The following SMIM18 variants were observed in gnomAD, a reference collection of about 807,000 sequenced individuals.
The protein encoded by SMIM18 is small integral membrane protein 18.
A neutral mutation model predicts 5.9 loss-of-function variants in SMIM18; 4 were observed. The observed-to-expected ratio is 0.68, with a 90% CI of 0.33 to 1.56. The LOEUF is 1.56. SMIM18 is among the 40% of genes most tolerant of loss of function. The probability of loss-of-function intolerance (pLI) is 0.06; values close to 1 mark genes in which losing one functional copy is unlikely to be tolerated. For missense variants in SMIM18, 89 were observed against 109.7 expected (o/e 0.81, Z 0.84); for synonymous variants, 37 against 37.4 (o/e 0.99, Z 0.04).
chr8:30,639,824 A>G (rs917782960), intron 1 of SMIM18, among the ~76,000 whole-genome samples: 1 of 151,782 alleles, frequency 6.6e-6, no homozygotes, highest in East Asian at 1.9e-4. Flanking sequence ...AGCTAGCCTG[A>G]GCAAAGTATC....
At chr8:30,643,127 A>C (rs191556647) in intron 1 of SMIM18, among the ~76,000 whole-genome samples, 379 of 152,298 alleles carry the variant, frequency 2.5e-3, no homozygotes, top group Non-Finnish European at 4.4e-3. Flanking sequence ...ATCAACCCCA[A>C]AGATTTTATT....
chr8:30,639,111 T>C (rs370143989), intron 1 of SMIM18, among the ~76,000 whole-genome samples: 16 of 152,242 alleles, frequency 1.1e-4, no homozygotes, highest in East Asian at 7.7e-4. Flanking sequence ...AAGTTTGTTA[T>C]ATTTTTTAGA....
rs1002309300 is a variant in SMIM18, at chr8:30,645,297, G to A, written c.-13G>A. ...TTTTTATAGATTCAAAAGAGCAAGT[G>A]GAATCTCTAAGAATGGCTTCCAGCC... On this transcript the variant is annotated 5_prime_UTR_variant, in exon 3 of 3. Coordinates refer to ENST00000517349, the MANE Select transcript of SMIM18 (RefSeq NM_001206847.2). 1.3e-6 allele frequency: 2 copies of A among 1,528,840 alleles called. No homozygotes were observed. The highest frequency in any genetic ancestry group is 1.7e-6 in the Non-Finnish European group (2 of 1,144,468). 94.7% of individuals were successfully genotyped at this position (1,528,840 alleles called of 1,614,324 possible).
chr8:30,639,436 T>C (rs1307906196), intron 1 of SMIM18, among the ~76,000 whole-genome samples: 1 of 152,220 alleles, frequency 6.6e-6, no homozygotes, highest in African/African-American at 2.4e-5. Flanking sequence ...GAAGTCATTC[T>C]TAAACTGATC....
intron 1 of SMIM18, among the ~76,000 whole-genome samples, chr8:30,642,543 C>T (rs1157009530): frequency 1.3e-5 from 2 of 152,056 alleles, no homozygotes; most frequent in Non-Finnish European, 2.9e-5. Context: ...GGTTAAGAAG[C>T]CTCAAACATA....
chr8:30,645,825 C>A lies in SMIM18; in HGVS notation c.*228C>A, dbSNP rs1802055178. 2.3e-6 allele frequency: 1 copy of A among 439,644 alleles called. No individual in the cohort carries two copies. The highest frequency in any genetic ancestry group is 3.9e-5 in the Admixed American group (1 of 25,716). 27.2% of individuals were successfully genotyped at this position (439,644 alleles called of 1,614,324 possible). ...TGTGAATTTACTAATCTGTTTAATA[C>A]TGACACTTCAAAAACTGGATAAAAG... On this transcript the variant is annotated 3_prime_UTR_variant, in exon 3 of 3. Coordinates refer to ENST00000517349, the MANE Select transcript of SMIM18 (RefSeq NM_001206847.2).
chr8:30,639,908 T>C (rs1801754049), intron 1 of SMIM18, among the ~76,000 whole-genome samples: 1 of 152,014 alleles, frequency 6.6e-6, no homozygotes, highest in South Asian at 2.1e-4. Context: ...GTTAATTATC[T>C]AGAAACCATT....
At chr8:30,639,898 G>A (rs62505311) in intron 1 of SMIM18, among the ~76,000 whole-genome samples, 7 of 151,664 alleles carry the variant, frequency 4.6e-5, no homozygotes, top group Non-Finnish European at 7.4e-5. Flanking sequence ...GCACAGTGGG[G>A]TTAATTATCT....
chr8:30,645,699 T>G lies in SMIM18; in HGVS notation c.*102T>G. Reference sequence around the variant, plus strand: ...CTGTTGCTACAAAACAAATTCTGACTGAATGGTTAAAACATTTCTAGTAGA... The same window carrying G: ...CTGTTGCTACAAAACAAATTCTGACGGAATGGTTAAAACATTTCTAGTAGA... On this transcript the variant is annotated 3_prime_UTR_variant, in exon 3 of 3. Transcript: ENST00000517349. 8.4e-7 allele frequency: 1 copy of G among 1,187,908 alleles called. No homozygotes were observed. The highest frequency in any genetic ancestry group is 1.5e-5 in the African/African-American group (1 of 64,970). The allele number at this position is 1,187,908 out of a possible 1,614,324, so 73.6% of individuals were successfully genotyped here.
At chr8:30,642,388 T>C (rs1801877116) in intron 1 of SMIM18, among the ~76,000 whole-genome samples, 1 of 151,962 alleles carries the variant, frequency 6.6e-6, no homozygotes, top group Non-Finnish European at 1.5e-5. Context: ...TACTAATCCA[T>C]ATTGTTGGCT....
rs1329594420 is a variant in SMIM18, at chr8:30,645,538, C to A, written c.229C>A (p.Pro77Thr). ...AACCGTGAAAGACTTGAAAAGTGAA[C>A]CCAACCCTCTTAGAAGTATGATGGA... ...NKTVKDLKSE[P>T]NPLRSMMDNI... Residue 77 changes from proline (P) to threonine (T), a missense_variant, in exon 3 of 3, where the codon CCC becomes ACC. Coordinates refer to ENST00000517349, the MANE Select transcript of SMIM18 (RefSeq NM_001206847.2). 1 of 1,535,602 alleles carries A rather than the reference C, an allele frequency of 6.5e-7. No homozygotes were observed. Among genetic ancestry groups the A allele is most frequent in the Admixed American group, 2.0e-5 (1 of 50,994 alleles).
chr8:30,644,632 A>G (rs1347929772), intron 2 of SMIM18, 60 bp downstream of exon 2: 1 of 152,232 alleles, frequency 6.6e-6, no homozygotes, highest in South Asian at 2.1e-4. Flanking sequence ...TGAAGAACAT[A>G]ACCTTAAAAC....
intron 2 of SMIM18, among the ~76,000 whole-genome samples, chr8:30,644,946 C>T (rs1022302511): frequency 2.0e-5 from 3 of 151,706 alleles, no homozygotes; most frequent in African/African-American, 4.8e-5. Context: ...AGACGGGTTT[C>T]GCCATGTTGA....
chr8:30,640,128 C>G (rs1470289578), intron 1 of SMIM18, among the ~76,000 whole-genome samples: 1 of 152,154 alleles, frequency 6.6e-6, no homozygotes, highest in Non-Finnish European at 1.5e-5. Context: ...AGGCTCATTG[C>G]TGTTTCACCA....
At chr8:30,644,097 AAAT>A (rs1801966621) in intron 1 of SMIM18, among the ~76,000 whole-genome samples, 1 of 152,230 alleles carries the variant, frequency 6.6e-6, no homozygotes, top group Admixed American at 6.5e-5. Context: ...CTAAATGTTA[AAAT>A]ATTTGTTAGA....
At chr8:30,640,550 G>T (rs774987018) in intron 1 of SMIM18, among the ~76,000 whole-genome samples, 1 of 152,086 alleles carries the variant, frequency 6.6e-6, no homozygotes. Flanking sequence ...TTAAGGCATG[G>T]GTAGGGAAGT....
chr8:30,645,840 C>A lies in SMIM18; in HGVS notation c.*243C>A. The A allele has an allele frequency of 2.5e-6, 1 of 393,840 alleles. No individual in the cohort carries two copies. The highest frequency in any genetic ancestry group is 6.4e-5 in the South Asian group (1 of 15,662). The allele number at this position is 393,840 out of a possible 1,614,324, so 24.4% of individuals were successfully genotyped here. On this transcript the variant is annotated 3_prime_UTR_variant, in exon 3 of 3. Coordinates refer to ENST00000517349, the MANE Select transcript of SMIM18 (RefSeq NM_001206847.2). ...CTGTTTAATACTGACACTTCAAAAA[C>A]TGGATAAAAGATTCCTAGAGTTCAA...
rs1212819896 is a variant in SMIM18, at chr8:30,645,298, G to GA, written c.-10dup. ...TTTTATAGATTCAAAAGAGCAAGTG[G>GA]AATCTCTAAGAATGGCTTCCAGCCA... On this transcript the variant is annotated 5_prime_UTR_variant, in exon 3 of 3. Coordinates refer to ENST00000517349, the MANE Select transcript of SMIM18 (RefSeq NM_001206847.2). 1 of 1,528,910 alleles carries GA rather than the reference G, an allele frequency of 6.5e-7. No homozygotes were observed. Among genetic ancestry groups the GA allele is most frequent in the Non-Finnish European group, 8.7e-7 (1 of 1,144,486 alleles). 94.7% of individuals were successfully genotyped at this position (1,528,910 alleles called of 1,614,324 possible). A position where few individuals can be genotyped will look rare whatever the true frequency, so the allele number is the denominator to read the frequency against.
At chr8:30,640,480 C>T (rs1232676247) in intron 1 of SMIM18, among the ~76,000 whole-genome samples, 1 of 152,036 alleles carries the variant, frequency 6.6e-6, no homozygotes, top group Non-Finnish European at 1.5e-5. Flanking sequence ...AACTAAAACA[C>T]ATATGCTAAA....
Sources: gnomAD v4.1 joint callset for allele counts (sites outside exome capture counted in the v4.1 genomes callset) on GRCh38, gnomAD v4.1.1 for gene constraint, MANE v1.5 for transcripts, NCBI Gene and HGNC (gene_info 2026-07-23, HGNC 2026-07-21) for gene names.